The following TMEM242 variants were observed in gnomAD, a reference collection of about 807,000 sequenced individuals.
TMEM242 encodes transmembrane protein 242.
In TMEM242, 10 loss-of-function variants were observed where a neutral mutation model predicts 18.2. The observed-to-expected ratio is 0.55, with a 90% CI of 0.34 to 0.93. TMEM242 has a LOEUF of 0.93. Among genes scored for constraint, TMEM242 ranks in the 40% least tolerant of loss-of-function variants. TMEM242 has a pLI of 0.02. For synonymous variants in TMEM242, 57 were observed against 69.9 expected (o/e 0.81, Z 0.92); for missense variants, 186 against 175.5 (o/e 1.06, Z -0.34).
At position 157,289,361 on chromosome 6, in the gene TMEM242, C is replaced by G. The variant is rs1333986691; in HGVS notation, c.*3540G>C. On this transcript the variant is annotated 3_prime_UTR_variant, in exon 4 of 4. Coordinates refer to ENST00000400788, the MANE Select transcript of TMEM242 (RefSeq NM_018452.6). ...AAATCGCAGCCTTGGGCAATTAATC[C>G]TGATAACACCAAGAGAGACCCAAAT... 1 of 152,170 alleles carries G rather than the reference C, an allele frequency of 6.6e-6. No individual in the cohort carries two copies. The highest frequency in any genetic ancestry group is 2.4e-5 in the African/African-American group (1 of 41,434). The allele number at this position is 152,170 out of a possible 1,614,324, so 9.4% of individuals were successfully genotyped here.
intron 3 of TMEM242, among the ~76,000 whole-genome samples, chr6:157,309,170 A>G (rs1554248119): frequency 6.6e-6 from 1 of 152,206 alleles, no homozygotes; most frequent in Non-Finnish European, 1.5e-5. Context: ...GCATTTCTAT[A>G]CAACTCTATG....
intron 3 of TMEM242, among the ~76,000 whole-genome samples, chr6:157,308,477 C>T (rs1554248075): frequency 6.6e-6 from 1 of 152,140 alleles, no homozygotes. Flanking sequence ...AGGAAAGATA[C>T]AATATTACTT....
chr6:157,323,166 C>T (rs1778521857), intron 1 of TMEM242, among the ~76,000 whole-genome samples: 1 of 152,130 alleles, frequency 6.6e-6, no homozygotes, highest in Non-Finnish European at 1.5e-5. Flanking sequence ...GCAGAGGTGA[C>T]GGGGAAATAT....
chr6:157,321,537 T>G (rs1778496324), intron 2 of TMEM242, among the ~76,000 whole-genome samples: 1 of 152,186 alleles, frequency 6.6e-6, no homozygotes, highest in Admixed American at 6.5e-5. Context: ...GTACCATTAG[T>G]ACAAGCATCT....
intron 3 of TMEM242, among the ~76,000 whole-genome samples, chr6:157,310,784 A>G (rs200661727): frequency 0.026 from 19 of 722 alleles, no homozygotes; most frequent in African/African-American, 0.077. Context: ...CCCAGTGTGC[A>G]CTCACCCGGC....
intron 3 of TMEM242, among the ~76,000 whole-genome samples, chr6:157,314,153 T>TGCGCTCACCCGGCCTCATCATAGTGC: frequency 5.1e-4 from 1 of 1,958 alleles, no homozygotes; most frequent in African/African-American, 1.8e-3. Flanking sequence ...CATCATAGTG[T>TGCGCTCACCCGGCCTCATCATAGTGC]CCCTGTGTGC....
At chr6:157,310,910 C>G (rs1554248495) in intron 3 of TMEM242, among the ~76,000 whole-genome samples, 4 of 152,092 alleles carry the variant, frequency 2.6e-5, no homozygotes, top group African/African-American at 4.8e-5. Flanking sequence ...ATCATAGTGC[C>G]CCAGTGTGCA....
intron 3 of TMEM242, chr6:157,299,550 A>C: frequency 6.6e-7 from 1 of 1,526,552 alleles, no homozygotes. Flanking sequence ...CGGTTTTTGG[A>C]AAATGCACTC....
intron 3 of TMEM242, among the ~76,000 whole-genome samples, chr6:157,313,071 CCAGTATGCACTCACCT>C (rs1778240209): frequency 1.6e-5 from 1 of 61,934 alleles, no homozygotes. Context: ...TCATAGGGTC[CCAGTATGCACTCACCT>C]GGCCTCATCA....
rs1198835597 is a variant in TMEM242, at chr6:157,290,893, G to A, written c.*2008C>T. 1 of 152,162 alleles carries A rather than the reference G, an allele frequency of 6.6e-6. No homozygotes were observed. The highest frequency in any genetic ancestry group is 1.5e-5 in the Non-Finnish European group (1 of 68,032). 9.4% of individuals were successfully genotyped at this position (152,162 alleles called of 1,614,324 possible). A position where few individuals can be genotyped will look rare whatever the true frequency, so the allele number is the denominator to read the frequency against. The stretch of plus-strand genomic sequence containing the variant: ...AAGGACAGCAGAGGTGACATATAAG[G>A]GTTTTGTAGACACGAGGCATGCCAC... On this transcript the variant is annotated 3_prime_UTR_variant, in exon 4 of 4. Coordinates refer to ENST00000400788, the MANE Select transcript of TMEM242 (RefSeq NM_018452.6).
chr6:157,311,201 ACTGTCCGACT>A, intron 3 of TMEM242, among the ~76,000 whole-genome samples: 1 of 120,844 alleles, frequency 8.3e-6, no homozygotes. Flanking sequence ...GCCTGATCAT[ACTGTCCGACT>A]GTGCGCTCAC....
At chr6:157,299,722 T>A in intron 3 of TMEM242, 1 of 1,605,118 alleles carries the variant, frequency 6.2e-7, no homozygotes, top group Admixed American at 1.7e-5. Flanking sequence ...GACGTGCACC[T>A]TCTGTGATAA....
intron 1 of TMEM242, among the ~76,000 whole-genome samples, 174 bp downstream of exon 1, chr6:157,323,238 C>T (rs961343866): frequency 6.6e-6 from 1 of 152,184 alleles, no homozygotes; most frequent in East Asian, 1.9e-4. Flanking sequence ...GGAGACTCCA[C>T]CCAGTAAGCG....
At chr6:157,310,639 C>T (rs959129941) in intron 3 of TMEM242, among the ~76,000 whole-genome samples, 1 of 151,898 alleles carries the variant, frequency 6.6e-6, no homozygotes, top group Non-Finnish European at 1.5e-5. Context: ...TCATAGTGTC[C>T]CAGTGTTCGC....
intron 3 of TMEM242, among the ~76,000 whole-genome samples, chr6:157,296,766 G>A (rs1209438514): frequency 2.6e-5 from 4 of 151,328 alleles, no homozygotes; most frequent in African/African-American, 9.7e-5. Context: ...TAAGACATGA[G>A]TATTACTCCC....
intron 2 of TMEM242, among the ~76,000 whole-genome samples, chr6:157,319,508 T>C (rs1460769102): frequency 6.6e-6 from 1 of 152,230 alleles, no homozygotes; most frequent in African/African-American, 2.4e-5. Context: ...TCGCCACTTT[T>C]AGCTTGCACC....
chr6:157,312,630 C>T (rs1562385176), intron 3 of TMEM242, among the ~76,000 whole-genome samples: 3 of 151,598 alleles, frequency 2.0e-5, no homozygotes, highest in Admixed American at 6.6e-5. Flanking sequence ...CATAGTGTCG[C>T]AGTGTGCACT....
Position 157,322,775 on chromosome 6 carries a change from G to A in TMEM242, c.119C>T (p.Ala40Val). 1 of 1,613,720 alleles carries A rather than the reference G, an allele frequency of 6.2e-7. No individual in the cohort carries two copies. Among genetic ancestry groups the A allele is most frequent in the Non-Finnish European group, 8.5e-7 (1 of 1,179,834 alleles). ...TGTAATAAATCCAGCTAGCATTCCC[G>A]CTGCAGCAACGGTACCAAGGAAAAT... ...GGIFLGTVAA[A>V]GMLAGFITTL... is the part of the protein sequence containing the mutation. The change falls in exon 2 of 4, where the codon GCG (alanine) becomes GTG (valine). Residue 40 changes from alanine (A) to valine (V), a missense_variant. Transcript: ENST00000400788.
At chr6:157,310,668 GT>G (rs1778005994) in intron 3 of TMEM242, among the ~76,000 whole-genome samples, 1 of 151,128 alleles carries the variant, frequency 6.6e-6, no homozygotes, top group Non-Finnish European at 1.5e-5. Context: ...CCTCATCATA[GT>G]GTCCCAGTGT....
Sources: allele counts gnomAD v4.1 joint callset (sites outside exome capture counted in the v4.1 genomes callset), GRCh38; gene constraint gnomAD v4.1.1; transcripts MANE v1.5; gene names NCBI Gene and HGNC (gene_info 2026-07-23, HGNC 2026-07-21).